The following UBN1 variants were observed in gnomAD, a reference collection of about 807,000 sequenced individuals.
The protein encoded by UBN1 is ubinuclein 1.
UBN1 carries 17 observed loss-of-function variants against 108.5 expected under a neutral mutation model. The ratio of observed to expected loss-of-function variants is 0.16; its 90% confidence interval spans 0.11 to 0.24. The LOEUF (loss-of-function observed/expected upper bound fraction) is 0.24. Among genes scored for constraint, UBN1 ranks in the 10% least tolerant of loss-of-function variants. The pLI is 1.00. For missense variants in UBN1, 1,595 were observed against 1,394.4 expected (o/e 1.14, Z -2.29); for synonymous variants, 726 against 564.2 (o/e 1.29, Z -4.07).
rs753488406 is a variant in UBN1 at position 4,874,321 on chromosome 16, G to A, written c.1911G>A (p.Ser637=). 76 of 1,613,974 alleles carry A rather than the reference G, an allele frequency of 4.7e-5. No homozygotes were observed. Among genetic ancestry groups the A allele is most frequent in the Non-Finnish European group, 6.2e-5 (73 of 1,180,034 alleles). The change falls in exon 15 of 18, where the codon TCG becomes TCA. Residue 637 remains serine, a synonymous_variant. Transcript: ENST00000262376. The part of the protein sequence containing the change: ...HQTGGLSIGA[S]SRELPSQASG... ...CAGGAGGCCTGAGTATTGGGGCCTC[G>A]AGCAGGGAGCTCCCATCCCAGGCAT...
chr16:4,876,361 C>T (rs1313542808), intron 15 of UBN1, among the ~76,000 whole-genome samples: 1 of 152,076 alleles, frequency 6.6e-6, no homozygotes, highest in Admixed American at 6.5e-5. Context: ...TGTAAGGTAA[C>T]TAAGCTCTTT....
In UBN1 at chr16:4,880,546, T is replaced by C; in HGVS notation, c.*414T>C. 5.3e-6 allele frequency: 1 copy of C among 188,316 alleles called. No individual in the cohort carries two copies. Among genetic ancestry groups the C allele is most frequent in the Admixed American group, 5.2e-5 (1 of 19,080 alleles). 11.7% of individuals were successfully genotyped at this position (188,316 alleles called of 1,614,324 possible). A position where few individuals can be genotyped will look rare whatever the true frequency, so the allele number is the denominator to read the frequency against. On this transcript the variant is annotated 3_prime_UTR_variant, in exon 18 of 18. Transcript: ENST00000262376. The stretch of plus-strand genomic sequence containing the variant: ...CCACTGCTCAGGGGCTCCTTCTGGC[T>C]GCAGTAAGCTCCCTGGATGGTCACA...
At chr16:4,879,560 A>G (rs888594354) in intron 17 of UBN1, among the ~76,000 whole-genome samples, 2 of 152,242 alleles carry the variant, frequency 1.3e-5, no homozygotes, top group African/African-American at 2.4e-5. Flanking sequence ...ACTTCCTTAG[A>G]TGGACTTCAG....
chr16:4,857,932 T>C (rs2086887779), intron 2 of UBN1, 58 bp from the exon 3 acceptor site: 5 of 1,322,802 alleles, frequency 3.8e-6, no homozygotes, highest in African/African-American at 1.5e-5. Context: ...GAAGTTTCTA[T>C]GAATAAGAAC....
chr16:4,865,447 G>C (rs891021750), intron 7 of UBN1, among the ~76,000 whole-genome samples: 1 of 152,138 alleles, frequency 6.6e-6, no homozygotes, highest in South Asian at 2.1e-4. Context: ...TTGGGAGGCC[G>C]AGGTGGGAGG....
intron 1 of UBN1, among the ~76,000 whole-genome samples, chr16:4,851,518 A>T (rs1209324478): frequency 1.3e-5 from 2 of 152,142 alleles, no homozygotes; most frequent in African/African-American, 4.8e-5. Context: ...TTCTAGGCAT[A>T]AAAGAAATGG....
intron 4 of UBN1, 162 bp from the exon 5 acceptor site, chr16:4,858,863 C>A: frequency 9.3e-7 from 1 of 1,074,418 alleles, no homozygotes; most frequent in Admixed American, 2.2e-5. Flanking sequence ...CAGATCTGTC[C>A]AAAACACCTT....
chr16:4,870,933 T>C lies in UBN1; in HGVS notation c.1520T>C (p.Met507Thr), dbSNP rs2087600857. 1.2e-6 allele frequency: 2 copies of C among 1,614,064 alleles called. No individual in the cohort carries two copies. The highest frequency in any genetic ancestry group is 1.3e-5 in the African/African-American group (1 of 74,948). The part of the protein sequence containing the change: ...EDEEKGGRRI[M>T]GPRKKFQWND... ...GAAGAAAAAGGGGGCAGGAGGATAA[T>C]GGGACCTCGGAAGAAGTTCCAATGG... Residue 507 changes from methionine (M) to threonine (T), a missense_variant, in exon 11 of 18, where the codon ATG becomes ACG. Around this residue, in one of 3 missense-constraint regions of UBN1, gnomAD observed 1,398 missense variants for 1,194.7 expected, o/e 1.17. Transcript: ENST00000262376.
chr16:4,865,004 A>T (rs2087257128), intron 7 of UBN1, among the ~76,000 whole-genome samples: 1 of 152,248 alleles, frequency 6.6e-6, no homozygotes, highest in Non-Finnish European at 1.5e-5. Context: ...CTTAGAATAA[A>T]TAAAACAGCT....
At chr16:4,865,626 C>T (rs1453492187) in intron 7 of UBN1, among the ~76,000 whole-genome samples, 1 of 152,048 alleles carries the variant, frequency 6.6e-6, no homozygotes, top group Non-Finnish European at 1.5e-5. Flanking sequence ...GCTGCGATCA[C>T]GTCACTGCAC....
rs567132550 is a variant in UBN1, at chr16:4,872,086, G to A, written c.1706+785G>A. 3.3e-5 allele frequency: 21 copies of A among 630,786 alleles called. No individual in the cohort carries two copies. In the East Asian group the frequency reaches 5.5e-4, roughly 17 times the overall value. 39.1% of individuals were successfully genotyped at this position (630,786 alleles called of 1,614,324 possible). ...GAATGAAGTATTTGTGTCATACATG[G>A]GACAGAGAAAGTTAGCTGGAGTGAT... On this transcript the variant is annotated intron_variant, in intron 12 of 17. Transcript: ENST00000262376.
chr16:4,870,514 AG>A lies in UBN1; in HGVS notation c.1316del. ...CCTTGAATTGTGTCCCGCTCTTCGCAGGGGGGCCGTCTGAAGGAGCCTCTCC... is the reference window on the plus strand; with the variant it reads ...CCTTGAATTGTGTCCCGCTCTTCGCAGGGGGCCGTCTGAAGGAGCCTCTCC... On this transcript the variant is annotated splice_acceptor_variant, in intron 9 of 17. Transcript: ENST00000262376. LOFTEE classifies it high-confidence loss of function. 1 of 1,614,134 alleles carries A rather than the reference AG, an allele frequency of 6.2e-7. No individual in the cohort carries two copies. The highest frequency in any genetic ancestry group is 8.5e-7 in the Non-Finnish European group (1 of 1,179,978).
intron 7 of UBN1, among the ~76,000 whole-genome samples, chr16:4,864,075 CTTTT>C (rs796516323): frequency 2.3e-5 from 2 of 86,430 alleles, no homozygotes; most frequent in Non-Finnish European, 4.2e-5. Context: ...TTGTTGTTGC[CTTTT>C]TTTTTTTTTT....
intron 15 of UBN1, among the ~76,000 whole-genome samples, 174 bp downstream of exon 15, chr16:4,875,608 T>C (rs1234612729): frequency 6.6e-6 from 1 of 152,180 alleles, no homozygotes; most frequent in Non-Finnish European, 1.5e-5. Context: ...TTCACTTTTC[T>C]GGTGACAGGA....
In UBN1 at chr16:4,875,402, G is replaced by C. The variant is rs926317053; in HGVS notation, c.2992G>C (p.Val998Leu). 1 of 1,613,392 alleles carries C rather than the reference G, an allele frequency of 6.2e-7. No homozygotes were observed. Among genetic ancestry groups the C allele is most frequent in the African/African-American group, 1.3e-5 (1 of 74,932 alleles). The change falls in exon 15 of 18, where the codon GTT becomes CTT. Residue 998 changes from valine (V) to leucine (L), a missense_variant. Coordinates refer to ENST00000262376, the MANE Select transcript of UBN1 (RefSeq NM_001079514.3). ...LTSPSLKPSAVSSVTSSTSLS... is the reference protein window; with the variant it reads ...LTSPSLKPSALSSVTSSTSLS... Reference sequence around the variant, plus strand: ...CTCGCCGTCCCTAAAGCCCTCTGCAGTTAGTAGTGTGACATCGTCTACCTC... The same window carrying C: ...CTCGCCGTCCCTAAAGCCCTCTGCACTTAGTAGTGTGACATCGTCTACCTC...
Position 4,859,133 on chromosome 16 carries a change from A to G in UBN1, c.541A>G (p.Lys181Glu). ...QASESEDDFI[K>E]EKKKKSPKKR... The stretch of plus-strand genomic sequence containing the variant: ...ATCAGAGTCTGAAGATGACTTCATT[A>G]AAGAAAAGAAGAAAAAATCTCCAAA... The change falls in exon 5 of 18, where the codon AAA becomes GAA. Residue 181 changes from lysine to glutamate, a missense_variant. By Grantham distance (56) the Lys-to-Glu change is moderately conservative. This residue lies in a region of UBN1 where 1,398 missense variants were observed against 1,194.7 expected (regional missense o/e 1.17). Coordinates refer to ENST00000262376, the MANE Select transcript of UBN1 (RefSeq NM_001079514.3). The G allele has an allele frequency of 6.2e-7, 1 of 1,613,574 alleles. No homozygotes were observed. Among genetic ancestry groups the G allele is most frequent in the South Asian group, 1.1e-5 (1 of 90,936 alleles).
chr16:4,852,801 AC>A (rs1374474310), intron 1 of UBN1, 77 bp from the exon 2 acceptor site: 33 of 1,360,474 alleles, frequency 2.4e-5, no homozygotes, highest in Non-Finnish European at 9.9e-7. Flanking sequence ...ATTCTCTTAA[AC>A]TTAAATCTCT....
intron 15 of UBN1, among the ~76,000 whole-genome samples, chr16:4,876,501 A>G (rs1366116313): frequency 6.6e-6 from 1 of 151,886 alleles, no homozygotes; most frequent in Non-Finnish European, 1.5e-5. Context: ...ATTTATGGAT[A>G]TCTATATTAC....
chr16:4,867,523 C>T (rs182466868), intron 7 of UBN1, among the ~76,000 whole-genome samples: 32 of 152,266 alleles, frequency 2.1e-4, no homozygotes, highest in Admixed American at 1.8e-3. Flanking sequence ...GGAAATTTCT[C>T]AGAGATAACT....
Sources: gnomAD v4.1 joint callset for allele counts (sites outside exome capture counted in the v4.1 genomes callset) on GRCh38, gnomAD v4.1.1 for gene constraint, gnomAD v4.1.1 regional missense constraint, MANE v1.5 for transcripts, NCBI Gene and HGNC (gene_info 2026-07-23, HGNC 2026-07-21) for gene names.